Variants in MTHFD2L observed in about 807,000 individuals in gnomAD.
The protein encoded by MTHFD2L is bifunctional methylenetetrahydrofolate dehydrogenase/cyclohydrolase 2, mitochondrial.
MTHFD2L carries 29 observed loss-of-function variants against 34.9 expected under a neutral mutation model. The ratio of observed to expected loss-of-function variants is 0.83; its 90% CI spans 0.62 to 1.13. The LOEUF (loss-of-function observed/expected upper bound fraction) is 1.13, where lower values mean the gene tolerates loss of function less well. Ranked by LOEUF, MTHFD2L falls within the 50% of genes most tolerant of loss-of-function variation. The pLI, the probability that MTHFD2L is intolerant of heterozygous loss-of-function variation, is 0.00. For synonymous variants in MTHFD2L, 167 were observed against 155.7 expected (o/e 1.07, Z -0.54); for missense variants, 481 against 446.5 (o/e 1.08, Z -0.70).
intron 4 of MTHFD2L, 30 bp downstream of exon 4, chr4:74,199,976 A>T: frequency 1.2e-6 from 2 of 1,612,164 alleles, no homozygotes; most frequent in Non-Finnish European, 8.5e-7. Context: ...CAGGACATGG[A>T]TGCTAGGTGC....
chr4:74,159,043 C>T (rs1221022438), intron 1 of MTHFD2L, among the ~76,000 whole-genome samples: 20 of 152,182 alleles, frequency 1.3e-4, no homozygotes, highest in Admixed American at 1.2e-3. Context: ...TGCCATTTTA[C>T]GTCCAAAATT....
intron 5 of MTHFD2L, among the ~76,000 whole-genome samples, chr4:74,218,840 C>T (rs973549463): frequency 1.3e-5 from 2 of 152,034 alleles, no homozygotes; most frequent in Middle Eastern, 6.8e-3. Context: ...TCTTGTCTAC[C>T]TATTAATTAC....
intron 6 of MTHFD2L, among the ~76,000 whole-genome samples, chr4:74,228,963 TAGA>T (rs1739609132): frequency 6.6e-6 from 1 of 152,172 alleles, no homozygotes; most frequent in Non-Finnish European, 1.5e-5. Flanking sequence ...TAATACTAGT[TAGA>T]AGACATTTTA....
At chr4:74,170,736 C>T (rs1727752618) in intron 1 of MTHFD2L, among the ~76,000 whole-genome samples, 1 of 151,498 alleles carries the variant, frequency 6.6e-6, no homozygotes, top group South Asian at 2.1e-4. Flanking sequence ...CCCAAATGTC[C>T]AACAACGAAA....
At chr4:74,174,774 T>C in intron 2 of MTHFD2L, 84 bp downstream of exon 2, 1 of 985,742 alleles carries the variant, frequency 1.0e-6, no homozygotes, top group Non-Finnish European at 1.4e-6. Flanking sequence ...ATGATAATTA[T>C]CAAATAAGTG....
intron 1 of MTHFD2L, among the ~76,000 whole-genome samples, chr4:74,128,220 T>G (rs1248568880): frequency 6.6e-6 from 1 of 152,192 alleles, no homozygotes; most frequent in Non-Finnish European, 1.5e-5. Flanking sequence ...TTGTTTTTCT[T>G]GCTGTGCAGA....
chr4:74,156,914 A>T (rs1459313078), upstream of MTHFD2L: 1 of 151,382 alleles, frequency 6.6e-6, no homozygotes, highest in Non-Finnish European at 1.5e-5. Context: ...TTTTTCTTTA[A>T]TTGTTGAGTT....
chr4:74,213,454 T>C (rs1044233024), intron 5 of MTHFD2L, among the ~76,000 whole-genome samples: 2 of 152,362 alleles, frequency 1.3e-5, no homozygotes, highest in South Asian at 2.1e-4. Context: ...CCTTCTCTTA[T>C]GAAGCTTAGT....
At chr4:74,198,290 C>T (rs572005445) in intron 3 of MTHFD2L, among the ~76,000 whole-genome samples, 2 of 151,934 alleles carry the variant, frequency 1.3e-5, no homozygotes, top group South Asian at 2.1e-4. Context: ...TGAATGGGAG[C>T]GCAAAAAATG....
intron 7 of MTHFD2L, among the ~76,000 whole-genome samples, chr4:74,297,160 T>C (rs1366460520): frequency 6.6e-6 from 1 of 152,094 alleles, no homozygotes; most frequent in Non-Finnish European, 1.5e-5. Context: ...AAATAAATTA[T>C]TATGATAATT....
chr4:74,233,697 C>T (rs191821649), intron 6 of MTHFD2L, among the ~76,000 whole-genome samples: 34 of 152,180 alleles, frequency 2.2e-4, no homozygotes, highest in Admixed American at 1.6e-3. Context: ...TTTCCTTGCT[C>T]GTTAGCCTCA....
rs1725057268 is a variant in MTHFD2L, at chr4:74,159,973, A to G, written c.143+1692A>G. The G allele has an allele frequency of 6.3e-6, 6 of 954,718 alleles. No individual in the cohort carries two copies. The South Asian group carries it at 1.2e-4, about 19-fold the overall frequency. The allele number at this position is 954,718 out of a possible 1,614,324, so 59.1% of individuals were successfully genotyped here. A position where few individuals can be genotyped will look rare whatever the true frequency, so the allele number is the denominator to read the frequency against. The stretch of plus-strand genomic sequence containing the variant: ...GTGAGGTTGGCCCCAAGGTTGAGAA[A>G]CACCTGTGGACTGGTGGGTCTCGGG... On this transcript the variant is annotated intron_variant, in intron 1 of 7. Coordinates refer to ENST00000325278, the MANE Select transcript of MTHFD2L (RefSeq NM_001144978.3).
intron 6 of MTHFD2L, among the ~76,000 whole-genome samples, chr4:74,230,427 TA>T (rs1473274799): frequency 1.3e-5 from 2 of 151,552 alleles, no homozygotes; most frequent in African/African-American, 4.8e-5. Context: ...CTGTCTCTAC[TA>T]AAAATACAAA....
chr4:74,270,007 A>G (rs1405103840), intron 6 of MTHFD2L, among the ~76,000 whole-genome samples: 1 of 152,122 alleles, frequency 6.6e-6, no homozygotes, highest in African/African-American at 2.4e-5. Flanking sequence ...GCTACCATGG[A>G]GAATAAATAT....
intron 3 of MTHFD2L, among the ~76,000 whole-genome samples, chr4:74,191,331 C>CT (rs961784028): frequency 4.0e-5 from 6 of 150,130 alleles, no homozygotes; most frequent in African/African-American, 1.5e-4. Context: ...AGGATGTGGA[C>CT]TTTGATCTAT....
chr4:74,137,880 T>C (rs1339943360), intron 1 of MTHFD2L, among the ~76,000 whole-genome samples: 2 of 152,124 alleles, frequency 1.3e-5, no homozygotes, highest in African/African-American at 4.8e-5. Flanking sequence ...GGCATGTTCT[T>C]GCTCTTGTGT....
At chr4:74,171,464 C>T (rs1379444902) in intron 1 of MTHFD2L, among the ~76,000 whole-genome samples, 2 of 152,130 alleles carry the variant, frequency 1.3e-5, no homozygotes, top group Admixed American at 6.5e-5. Flanking sequence ...TAAACATACA[C>T]TTACGATGTG....
At chr4:74,275,530 C>T (rs1252846893) in intron 6 of MTHFD2L, among the ~76,000 whole-genome samples, 3 of 152,134 alleles carry the variant, frequency 2.0e-5, no homozygotes, top group African/African-American at 4.8e-5. Flanking sequence ...ACACTGTCTT[C>T]CACAATGGTT....
chr4:74,228,462 A>G (rs1036172465), intron 6 of MTHFD2L, among the ~76,000 whole-genome samples: 50 of 152,324 alleles, frequency 3.3e-4, no homozygotes, highest in African/African-American at 1.0e-3. Flanking sequence ...CTTAGATAAC[A>G]TTTATCAAAT....
Sources: allele counts gnomAD v4.1 joint callset (sites outside exome capture counted in the v4.1 genomes callset), GRCh38; gene constraint gnomAD v4.1.1; transcripts MANE v1.5; gene names NCBI Gene and HGNC (gene_info 2026-07-23, HGNC 2026-07-21).